GREB1: variants seen among roughly 807,000 people sequenced by gnomAD.
The protein encoded by GREB1 is growth regulating estrogen receptor binding 1, also known as protein GREB1.
A neutral mutation model predicts 200.7 loss-of-function variants in GREB1; 106 were observed. That is an observed-to-expected ratio of 0.53 (90% CI 0.45 to 0.62). GREB1 has a LOEUF of 0.62. Among genes scored for constraint, GREB1 ranks in the 20% least tolerant of loss-of-function variants. The pLI is 0.00. For missense variants in GREB1, 2,243 were observed against 2,556.8 expected, an observed-to-expected ratio of 0.88 and a Z score of 2.65; for synonymous variants, 1,132 against 1,092.4, an observed-to-expected ratio of 1.04 and a Z score of -0.72.
At chr2:11,516,913 G>A (rs374776247) in intron 1 of GREB1, among the ~76,000 whole-genome samples, 1 of 152,210 alleles carries the variant, frequency 6.6e-6, no homozygotes, top group South Asian at 2.1e-4. Context: ...GGGCAGTGGG[G>A]TGGCGAGGGC....
chr2:11,538,609 GTTT>G (rs1674410349), intron 1 of GREB1, among the ~76,000 whole-genome samples: 2 of 99,770 alleles, frequency 2.0e-5, no homozygotes, highest in African/African-American at 5.0e-5. Context: ...AGGAGCTTGT[GTTT>G]CTTTCTTTCT....
chr2:11,504,895 T>A (rs1197127146), intron 1 of GREB1, among the ~76,000 whole-genome samples: 1 of 152,224 alleles, frequency 6.6e-6, no homozygotes, highest in Non-Finnish European at 1.5e-5. Context: ...GAGTAACAAC[T>A]GCCTTGCAAG....
At chr2:11,563,856 G>A (rs922263007) in intron 3 of GREB1, among the ~76,000 whole-genome samples, 7 of 152,146 alleles carry the variant, frequency 4.6e-5, no homozygotes, top group African/African-American at 4.8e-5. Context: ...TAAATGGGAC[G>A]AGAGATCCCT....
intron 1 of GREB1, among the ~76,000 whole-genome samples, chr2:11,556,097 G>A (rs993213906): frequency 6.6e-6 from 1 of 152,166 alleles, no homozygotes; most frequent in African/African-American, 2.4e-5. Flanking sequence ...AGAATAATCA[G>A]CCTTTTACCA....
At chr2:11,613,876 G>A (rs774783234) in intron 19 of GREB1, among the ~76,000 whole-genome samples, 3 of 152,154 alleles carry the variant, frequency 2.0e-5, no homozygotes, top group Admixed American at 6.5e-5. Context: ...GTCATGAGCA[G>A]TAAGTTTCAG....
Position 11,629,473 on chromosome 2 carries a change from G to A in GREB1, c.4450-475G>A, listed in dbSNP as rs1402365611. 6.6e-6 allele frequency among the ~76,000 whole-genome samples: 1 copy of A among 152,184 alleles called. No homozygotes were observed. The highest frequency in any genetic ancestry group is 1.5e-5 in the Non-Finnish European group (1 of 68,038). ...GTACTGCTTTGTAGGATTGTTAATC[G>A]CAGCACACAGGACAGAACGGTGCCT... On this transcript the variant is annotated intron_variant, in intron 25 of 32. Transcript: ENST00000381486. This position sits in a 1 kb window ranked among gnomAD's most constrained non-coding sequence, Gnocchi z 5.2.
intron 1 of GREB1, among the ~76,000 whole-genome samples, chr2:11,547,948 G>A (rs1299715271): frequency 2.6e-5 from 4 of 152,110 alleles, no homozygotes; most frequent in South Asian, 2.1e-4. Flanking sequence ...TTGGGAGGCC[G>A]AGGCGGTAGA....
At chr2:11,630,828 G>A (rs1684819159) in intron 26 of GREB1, among the ~76,000 whole-genome samples, 1 of 152,134 alleles carries the variant, frequency 6.6e-6, no homozygotes, top group Non-Finnish European at 1.5e-5. Context: ...TGGTTTGACG[G>A]TGCTCACCTG....
At chr2:11,503,704 G>C (rs6719003) in intron 1 of GREB1, among the ~76,000 whole-genome samples, 4 of 152,220 alleles carry the variant, frequency 2.6e-5, no homozygotes, top group African/African-American at 4.8e-5. Context: ...GCCACTTTCC[G>C]AGTGTGGAAT....
At chr2:11,512,347 A>C (rs1673374860) in intron 1 of GREB1, among the ~76,000 whole-genome samples, 1 of 152,226 alleles carries the variant, frequency 6.6e-6, no homozygotes, top group African/African-American at 2.4e-5. Flanking sequence ...TGAAGTAGAA[A>C]ATTTTTTTAA....
intron 32 of GREB1, among the ~76,000 whole-genome samples, chr2:11,639,948 G>C (rs371201309): frequency 1.1e-3 from 167 of 152,236 alleles, no homozygotes; most frequent in African/African-American, 3.5e-3. Flanking sequence ...CTGTAAGGTG[G>C]GGTAGGTAGG....
chr2:11,492,103 G>A lies in GREB1; in HGVS notation c.-159+9722G>A, dbSNP rs1479511600. Among the ~76,000 whole-genome samples, 1 of 152,124 alleles carries A rather than the reference G, an allele frequency of 6.6e-6. No individual in the cohort carries two copies. Among genetic ancestry groups the A allele is most frequent in the Non-Finnish European group, 1.5e-5 (1 of 68,038 alleles). On this transcript the variant is annotated intron_variant, in intron 1 of 2. Coordinates refer to the GREB1 transcript ENST00000628795. The surrounding 1 kb of genome is among the most constrained non-coding windows in gnomAD (Gnocchi z 4.0). ...TTCCCCATGGCTCTTCCAGCCGTCT[G>A]GTTGACTCCCTGCCTGGCTACCATG... is the stretch of plus-strand genomic sequence containing the variant.
At chr2:11,567,896 T>C (rs1391711863) in intron 4 of GREB1, among the ~76,000 whole-genome samples, 1 of 152,188 alleles carries the variant, frequency 6.6e-6, no homozygotes, top group Non-Finnish European at 1.5e-5. Context: ...GGCTTCTGCG[T>C]CCTCATCCAT....
chr2:11,532,333 A>G (rs371908828), upstream of GREB1, among the ~76,000 whole-genome samples: 1 of 152,154 alleles, frequency 6.6e-6, no homozygotes, highest in African/African-American at 2.4e-5. Flanking sequence ...TGAAAATTAT[A>G]CCTATGTTCA....
At chr2:11,503,592 G>A (rs76676607) in intron 1 of GREB1, among the ~76,000 whole-genome samples, 2,289 of 152,260 alleles carry the variant, frequency 0.015, 34 homozygotes, top group African/African-American at 0.04. Context: ...CAAATTGCTC[G>A]CTAGCGTGGC....
At chr2:11,562,743 G>A in intron 3 of GREB1, 161 bp downstream of exon 3, 1 of 777,962 alleles carries the variant, frequency 1.3e-6, no homozygotes, top group Non-Finnish European at 1.9e-6. Flanking sequence ...GCCCGCAGCA[G>A]GTGCTGGCCC....
Position 11,556,731 on chromosome 2 carries a change from G to C in GREB1, c.117G>C (p.Gln39His). Reference sequence around the variant, plus strand: ...TGGTGCCCAGGCCCATCTTTTCCCAGCTGTACCTGGAAGCTGAGCAGCAGC... The same window carrying C: ...TGGTGCCCAGGCCCATCTTTTCCCACCTGTACCTGGAAGCTGAGCAGCAGC... ...NNLVPRPIFSQLYLEAEQQLA... is the reference protein window; with the variant it reads ...NNLVPRPIFSHLYLEAEQQLA... The change falls in exon 2 of 33, where the codon CAG (glutamine) becomes CAC (histidine). Residue 39 changes from glutamine (Q) to histidine (H), a missense_variant. Gln to His is a conservative substitution (Grantham distance 24). Coordinates refer to ENST00000381486, the MANE Select transcript of GREB1 (RefSeq NM_014668.4). 6.2e-7 allele frequency: 1 copy of C among 1,614,162 alleles called. No individual in the cohort carries two copies. Among genetic ancestry groups the C allele is most frequent in the Non-Finnish European group, 8.5e-7 (1 of 1,180,012 alleles).
chr2:11,496,824 C>T (rs1332003681), intron 1 of GREB1, among the ~76,000 whole-genome samples: 1 of 152,160 alleles, frequency 6.6e-6, no homozygotes, highest in Non-Finnish European at 1.5e-5. Flanking sequence ...AATAGTTCCA[C>T]CCTGATAAAA....
Position 11,630,094 on chromosome 2 carries a change from C to G in GREB1, c.4596C>G (p.Pro1532=), listed in dbSNP as rs764109148. 4 of 1,614,164 alleles carry G rather than the reference C, an allele frequency of 2.5e-6. No individual in the cohort carries two copies. Among genetic ancestry groups the G allele is most frequent in the Non-Finnish European group, 3.4e-6 (4 of 1,180,012 alleles). ...GCCAGCTGGAGAGCATGCGACTACC[C>G]CTCGTGACAGACAAGGTACTGGCTC... The part of the protein sequence containing the change: ...PGGQLESMRL[P]LVTDKSHEYI... Residue 1532 remains proline (P), a synonymous_variant, in exon 26 of 33, where the codon CCC becomes CCG. Transcript: ENST00000381486.
Sources: gnomAD v4.1 joint callset for allele counts (sites outside exome capture counted in the v4.1 genomes callset) on GRCh38, gnomAD v4.1.1 for gene constraint, Gnocchi (gnomAD v3.1) non-coding constraint, MANE v1.5 for transcripts, NCBI Gene and HGNC (gene_info 2026-07-23, HGNC 2026-07-21) for gene names.